The following CNTN5 variants were observed in gnomAD, a reference collection of about 807,000 sequenced individuals.
The protein encoded by CNTN5 is contactin 5.
A neutral mutation model predicts 129.1 loss-of-function variants in CNTN5; 77 were observed. The observed-to-expected ratio is 0.60, with a 90% CI of 0.50 to 0.72. The LOEUF is 0.72. Ranked by LOEUF, CNTN5 falls within the 30% of genes least tolerant of loss-of-function variation. The pLI, the probability that CNTN5 is intolerant of heterozygous loss-of-function variation, is 0.00. For missense variants in CNTN5, 1,478 were observed against 1,328.8 expected (o/e 1.11, Z -1.75); for synonymous variants, 509 against 465.6 (o/e 1.09, Z -1.20).
At chr11:99,712,227 C>G (rs188144536) in intron 3 of CNTN5, among the ~76,000 whole-genome samples, 1 of 152,206 alleles carries the variant, frequency 6.6e-6, no homozygotes, top group East Asian at 1.9e-4. Flanking sequence ...CTCTAATGAC[C>G]AGTGATGATG....
intron 2 of CNTN5, among the ~76,000 whole-genome samples, chr11:99,446,439 T>A (rs1041521891): frequency 5.9e-5 from 9 of 152,220 alleles, no homozygotes; most frequent in Non-Finnish European, 1.3e-4. Flanking sequence ...TCAGTTTTAA[T>A]AAATTTACCA....
chr11:100,304,904 A>C (rs1951312482), intron 20 of CNTN5, among the ~76,000 whole-genome samples: 1 of 151,342 alleles, frequency 6.6e-6, no homozygotes, highest in South Asian at 2.1e-4. Context: ...TTTGGAACAC[A>C]GCAGAGCCTC....
intron 3 of CNTN5, among the ~76,000 whole-genome samples, chr11:99,632,797 T>A (rs1289576117): frequency 6.6e-6 from 1 of 152,148 alleles, no homozygotes; most frequent in Non-Finnish European, 1.5e-5. Context: ...ATTTTCAGAT[T>A]TGAAAAGTTT....
At chr11:99,371,627 A>AG (rs1407996756) in intron 2 of CNTN5, among the ~76,000 whole-genome samples, 1 of 152,070 alleles carries the variant, frequency 6.6e-6, no homozygotes, top group African/African-American at 2.4e-5. Context: ...AATATTAAGG[A>AG]GAAAAAAAAA....
At chr11:99,863,718 G>C (rs1948277904) in intron 6 of CNTN5, among the ~76,000 whole-genome samples, 1 of 152,154 alleles carries the variant, frequency 6.6e-6, no homozygotes, top group African/African-American at 2.4e-5. Context: ...AGCTACTATT[G>C]CTGTTGTTAG....
intron 13 of CNTN5, among the ~76,000 whole-genome samples, chr11:100,131,671 C>T (rs574490719): frequency 7.9e-5 from 12 of 151,872 alleles, no homozygotes; most frequent in East Asian, 3.9e-4. Context: ...GAGAGGTAGG[C>T]GGGGAGAACA....
intron 1 of CNTN5, among the ~76,000 whole-genome samples, chr11:99,023,654 A>C (rs1862986139): frequency 6.6e-6 from 1 of 152,356 alleles, no homozygotes; most frequent in East Asian, 1.9e-4. Flanking sequence ...CTCCTTCATC[A>C]GTCAAAAACT....
At chr11:99,984,872 C>G (rs968423985) in intron 8 of CNTN5, among the ~76,000 whole-genome samples, 2 of 152,140 alleles carry the variant, frequency 1.3e-5, no homozygotes, top group African/African-American at 2.4e-5. Flanking sequence ...AGACTTGCAA[C>G]AGGGGCGCCC....
chr11:100,292,896 T>A (rs1438733804), intron 18 of CNTN5, among the ~76,000 whole-genome samples: 1 of 151,952 alleles, frequency 6.6e-6, no homozygotes, highest in Non-Finnish European at 1.5e-5. Context: ...CTCTTACAAT[T>A]TCTTAAGTTG....
At chr11:99,638,040 TG>T (rs756655031) in intron 3 of CNTN5, among the ~76,000 whole-genome samples, 8 of 151,444 alleles carry the variant, frequency 5.3e-5, no homozygotes, top group Non-Finnish European at 1.2e-4. Context: ...TTATTGTATT[TG>T]TTTTTACACT....
At chr11:99,062,540 G>A (rs900077641) in intron 1 of CNTN5, among the ~76,000 whole-genome samples, 2 of 152,106 alleles carry the variant, frequency 1.3e-5, no homozygotes, top group Admixed American at 1.3e-4. Flanking sequence ...TCTACCAGAA[G>A]TATTGTGAGA....
intron 1 of CNTN5, among the ~76,000 whole-genome samples, chr11:99,288,867 A>G (rs1447085875): frequency 6.6e-6 from 1 of 151,844 alleles, no homozygotes; most frequent in East Asian, 1.9e-4. Context: ...GTGTTTCACT[A>G]GTTTGTGAGT....
At chr11:99,811,878 G>A (rs1243426379) in intron 3 of CNTN5, among the ~76,000 whole-genome samples, 1 of 151,826 alleles carries the variant, frequency 6.6e-6, no homozygotes, top group Non-Finnish European at 1.5e-5. Context: ...TGATTAACAT[G>A]TAACTAGATT....
At chr11:100,011,702 A>G (rs1381148444) in intron 9 of CNTN5, among the ~76,000 whole-genome samples, 3 of 152,152 alleles carry the variant, frequency 2.0e-5, no homozygotes, top group Non-Finnish European at 4.4e-5. Context: ...TCAAATGCCT[A>G]TTAGGGAACC....
intron 9 of CNTN5, among the ~76,000 whole-genome samples, chr11:100,018,038 C>T (rs921622807): frequency 6.6e-6 from 1 of 151,818 alleles, no homozygotes; most frequent in Non-Finnish European, 1.5e-5. Context: ...AATACATTTT[C>T]CGTGACTTAA....
chr11:99,409,983 A>G (rs1295451996), intron 2 of CNTN5, among the ~76,000 whole-genome samples: 2 of 152,216 alleles, frequency 1.3e-5, no homozygotes, highest in Non-Finnish European at 2.9e-5. Flanking sequence ...AGTTGCTCTC[A>G]GGTTATTCAT....
At chr11:99,539,792 GT>G (rs1298465393) in intron 2 of CNTN5, among the ~76,000 whole-genome samples, 2 of 152,050 alleles carry the variant, frequency 1.3e-5, no homozygotes, top group South Asian at 4.1e-4. Flanking sequence ...TTAAAGTGTT[GT>G]AGGAAATGAG....
intron 13 of CNTN5, among the ~76,000 whole-genome samples, chr11:100,131,674 G>T (rs1179398592): frequency 1.3e-5 from 2 of 152,084 alleles, no homozygotes; most frequent in East Asian, 3.9e-4. Context: ...AGGTAGGCGG[G>T]GAGAACAAAA....
intron 3 of CNTN5, among the ~76,000 whole-genome samples, chr11:99,768,381 CACA>C (rs1353124975): frequency 1.9e-4 from 29 of 152,158 alleles, no homozygotes; most frequent in African/African-American, 5.8e-4. Context: ...CCTACATGAT[CACA>C]ACATTATAAT....
Sources: gnomAD v4.1 joint callset for allele counts (sites outside exome capture counted in the v4.1 genomes callset) on GRCh38, gnomAD v4.1.1 for gene constraint, MANE v1.5 for transcripts, NCBI Gene and HGNC (gene_info 2026-07-23, HGNC 2026-07-21) for gene names.